Variants in TRPV1 observed in about 807,000 individuals in gnomAD.
TRPV1 encodes the protein transient receptor potential cation channel subfamily V member 1, also known as OTRPC1.
In TRPV1, 82 loss-of-function variants were observed where a neutral mutation model predicts 82.3. The ratio of observed to expected loss-of-function variants is 1.00; its 90% CI spans 0.83 to 1.20. The LOEUF (loss-of-function observed/expected upper bound fraction) is 1.20. Among genes scored for constraint, TRPV1 ranks in the 50% most tolerant of loss-of-function variants. The pLI, the probability that TRPV1 is intolerant of heterozygous loss-of-function variation, is 0.00. For synonymous variants in TRPV1, 515 were observed against 467.7 expected, an observed-to-expected ratio of 1.10 and a Z score of -1.30; for missense variants, 1,067 against 1,096.8, an observed-to-expected ratio of 0.97 and a Z score of 0.38.
chr17:3,573,915 C>T lies in TRPV1; in HGVS notation c.1821G>A (p.Leu607=). ...ACCTGTGCGACGTGGACTCAGACGG[C>T]AGGGAGTCATTCTTCCCGTCTTCAA... ...TLIEDGKNDS[L]PSESTSHRWR... is the part of the protein sequence containing the mutation. The change falls in exon 14 of 17, where the codon CTG becomes CTA. Residue 607 remains leucine (L), a synonymous_variant. Coordinates refer to ENST00000572705, the MANE Select transcript of TRPV1 (RefSeq NM_080704.4). 6.2e-7 allele frequency: 1 copy of T among 1,607,886 alleles called. No individual in the cohort carries two copies.
chr17:3,606,524 C>T (rs1420764581), intron 2 of TRPV1, among the ~76,000 whole-genome samples: 1 of 152,150 alleles, frequency 6.6e-6, no homozygotes. Context: ...GGGCTCATAG[C>T]ATCGGGATAC....
intron 16 of TRPV1, among the ~76,000 whole-genome samples, chr17:3,568,285 G>A (rs535779294): frequency 1.2e-3 from 177 of 148,308 alleles, no homozygotes; most frequent in Middle Eastern, 0.01. Flanking sequence ...TTGCGCCACT[G>A]CACTCCAGCC....
At chr17:3,579,247 G>C (rs936729105) in intron 11 of TRPV1, among the ~76,000 whole-genome samples, 1 of 151,866 alleles carries the variant, frequency 6.6e-6, no homozygotes, top group African/African-American at 2.4e-5. Flanking sequence ...AGTTTTACTT[G>C]TCCAAAAAAA....
chr17:3,603,947 C>G (rs1177195523), intron 2 of TRPV1, among the ~76,000 whole-genome samples: 1 of 152,164 alleles, frequency 6.6e-6, no homozygotes, highest in Non-Finnish European at 1.5e-5. Flanking sequence ...GCTCAAGAAG[C>G]CCACGATGGA....
intron 2 of TRPV1, among the ~76,000 whole-genome samples, chr17:3,601,454 A>G (rs529596611): frequency 7.0e-6 from 1 of 143,866 alleles, no homozygotes; most frequent in Non-Finnish European, 1.5e-5. Context: ...ACCCCTTCCC[A>G]GCCACACTAA....
At chr17:3,591,483 C>T (rs368754701) in intron 3 of TRPV1, 130 bp from the exon 4 acceptor site, 4 of 1,089,004 alleles carry the variant, frequency 3.7e-6, no homozygotes, top group Admixed American at 2.9e-5. Context: ...ATAAAAGCTG[C>T]CCCTCAGTCT....
Position 3,585,889 on chromosome 17 carries a change from C to T in TRPV1, c.1262G>A (p.Arg421Gln), listed in dbSNP as rs200427518. 1.2e-6 allele frequency: 2 copies of T among 1,613,570 alleles called. No individual in the cohort carries two copies. Among genetic ancestry groups the T allele is most frequent in the East Asian group, 2.2e-5 (1 of 44,820 alleles). The change falls in exon 9 of 17, where the codon CGA (arginine) becomes CAA (glutamine). Residue 421 changes from arginine (R) to glutamine (Q), a missense_variant. Coordinates refer to ENST00000572705, the MANE Select transcript of TRPV1 (RefSeq NM_080704.4). ...TCTGTCCCACTTGTCCTGCAGGAGTCGGTTCAGCGGCTCCACCAAGAGCAT... is the reference window on the plus strand; with the variant it reads ...TCTGTCCCACTTGTCCTGCAGGAGTTGGTTCAGCGGCTCCACCAAGAGCAT... ...HDMLLVEPLNRLLQDKWDRFV... is the reference protein window; with the variant it reads ...HDMLLVEPLNQLLQDKWDRFV...
chr17:3,572,142 G>C lies in TRPV1; in HGVS notation c.2211C>G (p.Asp737Glu), dbSNP rs779578236. Residue 737 changes from aspartate (D) to glutamate (E), a missense_variant, in exon 15 of 17, where the codon GAC becomes GAG. Coordinates refer to ENST00000572705, the MANE Select transcript of TRPV1 (RefSeq NM_080704.4). ...ATTACCTGAAGCACCACCGGTAGTC[G>C]TCCTTGCCATCAGGTGTGTACCCCA... ...LQVGYTPDGK[D>E]DYRWCFRVDE... is the part of the protein sequence containing the mutation. The C allele has an allele frequency of 6.2e-6, 10 of 1,613,514 alleles. No homozygotes were observed. The East Asian group carries it at 2.2e-4, about 36-fold the overall frequency.
At chr17:3,599,412 T>C (rs887647229) in intron 2 of TRPV1, among the ~76,000 whole-genome samples, 7 of 152,116 alleles carry the variant, frequency 4.6e-5, no homozygotes, top group Admixed American at 3.9e-4. Flanking sequence ...ACTGAAACCC[T>C]GCACCCATTA....
chr17:3,573,618 A>G lies in TRPV1; in HGVS notation c.2103+15T>C, dbSNP rs1480916453. On this transcript the variant is annotated intron_variant, in intron 14 of 16. Coordinates refer to ENST00000572705, the MANE Select transcript of TRPV1 (RefSeq NM_080704.4). ...TCTCCGCGCCACTCACCACCCCCCA[A>G]CTCCACCCACCCACCTGCAGCTTCC... 1.5e-6 allele frequency: 2 copies of G among 1,320,808 alleles called. No homozygotes were observed. The highest frequency in any genetic ancestry group is 2.0e-6 in the Non-Finnish European group (2 of 1,006,790). 81.8% of individuals were successfully genotyped at this position (1,320,808 alleles called of 1,614,324 possible).
intron 9 of TRPV1, 108 bp from the exon 10 acceptor site, chr17:3,583,538 TCA>T: frequency 2.2e-5 from 20 of 911,146 alleles, no homozygotes; most frequent in Non-Finnish European, 3.1e-5. Context: ...ACAGCCTCCA[TCA>T]GGGGAAGGAC....
At chr17:3,607,572 T>C (rs959414046) in intron 2 of TRPV1, among the ~76,000 whole-genome samples, 1 of 149,980 alleles carries the variant, frequency 6.7e-6, no homozygotes, top group African/African-American at 2.5e-5. Context: ...AGTCTCGCTC[T>C]GTCACCCAGG....
chr17:3,578,028 G>C (rs1196498639), intron 11 of TRPV1: 1 of 320,618 alleles, frequency 3.1e-6, no homozygotes, highest in African/African-American at 2.1e-5. Context: ...CTAAAGGCCA[G>C]GCGCAGTAGC....
chr17:3,600,208 A>T (rs1437605001), intron 2 of TRPV1, among the ~76,000 whole-genome samples: 1 of 152,170 alleles, frequency 6.6e-6, no homozygotes. Flanking sequence ...ACAATGTGGG[A>T]TAGAGCAATG....
intron 16 of TRPV1, among the ~76,000 whole-genome samples, chr17:3,568,179 G>A (rs915304343): frequency 2.2e-4 from 34 of 152,114 alleles, no homozygotes; most frequent in Non-Finnish European, 2.8e-4. Flanking sequence ...AAAATTAGCC[G>A]GGCGTAGTGG....
intron 10 of TRPV1, among the ~76,000 whole-genome samples, chr17:3,582,005 A>C (rs1290914669): frequency 1.4e-5 from 2 of 146,858 alleles, no homozygotes; most frequent in South Asian, 4.4e-4. Context: ...CCTGGCTAAC[A>C]CGGTGAAACC....
rs765194853 is a variant in TRPV1, at chr17:3,572,202, C to T, written c.2151G>A (p.Met717Ile). The T allele has an allele frequency of 3.1e-6, 5 of 1,612,380 alleles. No homozygotes were observed. The African/African-American group carries it at 5.3e-5, about 17-fold the overall frequency. Reference protein sequence around the residue: ...LDTEKSFLKCMRKAFRSGKLL... With the variant: ...LDTEKSFLKCIRKAFRSGKLL... ...GCTTGCCTGAGCGGAAGGCCTTCCT[C>T]ATGCACTTAAGGAAGCTCTTCTCCG... is the stretch of plus-strand genomic sequence containing the variant. Residue 717 changes from methionine (M) to isoleucine (I), a missense_variant, in exon 15 of 17, where the codon ATG (methionine) becomes ATA (isoleucine). Transcript: ENST00000572705.
chr17:3,588,280 C>T lies in TRPV1; in HGVS notation c.1132G>A (p.Val378Met), dbSNP rs373599924. ...GACAGGTCGTACAGCGAGGAGTGCA[C>T]GGGCCCGTAGGCCCACTCGGTGAAC... is the stretch of plus-strand genomic sequence containing the variant. Reference protein sequence around the residue: ...RKFTEWAYGPVHSSLYDLSCI... With the variant: ...RKFTEWAYGPMHSSLYDLSCI... The change falls in exon 8 of 17, where the codon GTG becomes ATG. Residue 378 changes from valine to methionine, a missense_variant. Coordinates refer to ENST00000572705, the MANE Select transcript of TRPV1 (RefSeq NM_080704.4). The T allele has an allele frequency of 1.0e-5, 16 of 1,579,126 alleles. No individual in the cohort carries two copies. Among genetic ancestry groups the T allele is most frequent in the East Asian group, 7.0e-5 (3 of 42,638 alleles).
chr17:3,583,094 C>T (rs2075041843), intron 10 of TRPV1, among the ~76,000 whole-genome samples: 1 of 152,144 alleles, frequency 6.6e-6, no homozygotes, highest in Non-Finnish European at 1.5e-5. Flanking sequence ...TACTCCGTTC[C>T]GTGGAGTGGC....
Sources: gnomAD v4.1 joint callset for allele counts (sites outside exome capture counted in the v4.1 genomes callset) on GRCh38, gnomAD v4.1.1 for gene constraint, MANE v1.5 for transcripts, NCBI Gene and HGNC (gene_info 2026-07-23, HGNC 2026-07-21) for gene names.